The following LHFPL3 variants were observed in gnomAD, a reference collection of about 807,000 sequenced individuals.
LHFPL3 encodes LHFPL tetraspan subfamily member 3.
Under a neutral mutation model 19.3 loss-of-function variants are expected in LHFPL3, and 5 were observed. The observed-to-expected ratio is 0.26, with a 90% CI of 0.14 to 0.54. The LOEUF is 0.54. Ranked by LOEUF, LHFPL3 falls within the 20% of genes least tolerant of loss-of-function variation. The pLI, the probability that LHFPL3 is intolerant of heterozygous loss-of-function variation, is 0.94. For synonymous variants in LHFPL3, 133 were observed against 126.2 expected (o/e 1.05, Z -0.36); for missense variants, 249 against 307.4 (o/e 0.81, Z 1.42).
chr7:104,583,286 C>CT (rs1333998264), intron 1 of LHFPL3, among the ~76,000 whole-genome samples: 1 of 152,142 alleles, frequency 6.6e-6, no homozygotes, highest in Non-Finnish European at 1.5e-5. Context: ...GGATCCCTTC[C>CT]TTACACCTTA....
At chr7:104,356,244 G>A (rs1790272400) in intron 1 of LHFPL3, among the ~76,000 whole-genome samples, 1 of 152,204 alleles carries the variant, frequency 6.6e-6, no homozygotes, top group Non-Finnish European at 1.5e-5. Flanking sequence ...GGAGAGTAGA[G>A]TAGATAAAAG....
At chr7:104,583,331 A>T (rs188804646) in intron 1 of LHFPL3, among the ~76,000 whole-genome samples, 1 of 152,298 alleles carries the variant, frequency 6.6e-6, no homozygotes, top group African/African-American at 2.4e-5. Context: ...TAAAGACTTA[A>T]ATGTTAGACC....
intron 1 of LHFPL3, among the ~76,000 whole-genome samples, chr7:104,558,183 G>C (rs1234408795): frequency 6.6e-6 from 1 of 151,392 alleles, no homozygotes; most frequent in Non-Finnish European, 1.5e-5. Flanking sequence ...TAGTCCTTTG[G>C]GTATATACCC....
At chr7:104,846,742 C>A (rs181813131) in intron 2 of LHFPL3, among the ~76,000 whole-genome samples, 20 of 152,266 alleles carry the variant, frequency 1.3e-4, no homozygotes, top group Admixed American at 1.3e-3. Flanking sequence ...AGGCTACATC[C>A]CGAAAAGGAC....
chr7:104,452,923 C>G (rs1003353074), intron 1 of LHFPL3, among the ~76,000 whole-genome samples: 2 of 152,164 alleles, frequency 1.3e-5, no homozygotes, highest in Non-Finnish European at 2.9e-5. Flanking sequence ...ACATTGGTGT[C>G]TGATGTCAGA....
At chr7:104,816,637 G>A (rs1386696266) in intron 2 of LHFPL3, among the ~76,000 whole-genome samples, 1 of 152,176 alleles carries the variant, frequency 6.6e-6, no homozygotes, top group Non-Finnish European at 1.5e-5. Flanking sequence ...TTTCTGCAGT[G>A]GTTTGGGAGC....
chr7:104,533,277 C>G (rs1794336838), intron 1 of LHFPL3, among the ~76,000 whole-genome samples: 1 of 152,164 alleles, frequency 6.6e-6, no homozygotes, highest in South Asian at 2.1e-4. Context: ...TCATAGTTCT[C>G]CTCCTCCTTT....
intron 2 of LHFPL3, among the ~76,000 whole-genome samples, chr7:104,886,468 A>G (rs1170981253): frequency 6.6e-6 from 1 of 152,070 alleles, no homozygotes; most frequent in African/African-American, 2.4e-5. Context: ...GGGTTCAAGC[A>G]ATTCTCCTGC....
chr7:104,795,762 C>G (rs954712700), intron 2 of LHFPL3, among the ~76,000 whole-genome samples: 2 of 152,184 alleles, frequency 1.3e-5, no homozygotes, highest in African/African-American at 4.8e-5. Flanking sequence ...TAACACCACT[C>G]CCTCTAGCTC....
chr7:104,468,245 A>G (rs1011326231), intron 1 of LHFPL3, among the ~76,000 whole-genome samples: 1 of 152,212 alleles, frequency 6.6e-6, no homozygotes, highest in Non-Finnish European at 1.5e-5. Flanking sequence ...CCAATTACTG[A>G]GGTCATAACA....
At chr7:104,837,637 C>G (rs1425364605) in intron 2 of LHFPL3, among the ~76,000 whole-genome samples, 1 of 152,016 alleles carries the variant, frequency 6.6e-6, no homozygotes, top group Non-Finnish European at 1.5e-5. Flanking sequence ...ATTTTTATTT[C>G]CATAGGTTAT....
chr7:104,866,730 T>C (rs1026953842), intron 2 of LHFPL3, among the ~76,000 whole-genome samples: 1 of 152,194 alleles, frequency 6.6e-6, no homozygotes, highest in African/African-American at 2.4e-5. Flanking sequence ...GGGGACCTAA[T>C]AGACATCTAC....
At chr7:104,567,212 TTC>T (rs1217183263) in intron 1 of LHFPL3, among the ~76,000 whole-genome samples, 1 of 152,242 alleles carries the variant, frequency 6.6e-6, no homozygotes, top group Non-Finnish European at 1.5e-5. Flanking sequence ...TAAATTTCAT[TTC>T]TTTTACCAAT....
intron 2 of LHFPL3, among the ~76,000 whole-genome samples, chr7:104,764,766 A>T (rs937056699): frequency 3.3e-5 from 5 of 152,188 alleles, no homozygotes; most frequent in Non-Finnish European, 7.3e-5. Flanking sequence ...TGTTGTTAGT[A>T]TTTATAACTA....
At chr7:104,786,103 A>G (rs188627774) in intron 2 of LHFPL3, among the ~76,000 whole-genome samples, 1 of 152,296 alleles carries the variant, frequency 6.6e-6, no homozygotes, top group East Asian at 1.9e-4. Context: ...TGCCTCATGA[A>G]CAAGGAATAA....
chr7:104,603,165 T>TCC (rs1211891617), intron 1 of LHFPL3, among the ~76,000 whole-genome samples: 454 of 6,558 alleles, frequency 0.069, 11 homozygotes, highest in South Asian at 0.3. Context: ...CTTCCTTCCT[T>TCC]TCTTTCTTTC....
chr7:104,732,960 T>C (rs1793732954), intron 1 of LHFPL3, among the ~76,000 whole-genome samples: 1 of 152,236 alleles, frequency 6.6e-6, no homozygotes, highest in South Asian at 2.1e-4. Flanking sequence ...CATCTTTATT[T>C]CTGCCTTCAT....
chr7:104,461,470 C>T (rs192834346), intron 1 of LHFPL3, among the ~76,000 whole-genome samples: 86 of 152,328 alleles, frequency 5.6e-4, no homozygotes, highest in East Asian at 4.2e-3. Flanking sequence ...AGTCCTTTCA[C>T]CATTGCTTGT....
In LHFPL3 at chr7:104,358,183, G is replaced by T. The variant is rs539684947; in HGVS notation, c.445+28959G>T. On this transcript the variant is annotated intron_variant, in intron 1 of 2. Coordinates refer to ENST00000424859, the MANE Select transcript of LHFPL3 (RefSeq NM_199000.3). ...GGAGTGGAGACTGACTGCTGAGTGC[G>T]TATGAGGTTTCCATCTAGGAAACAT... Among the ~76,000 whole-genome samples the T allele has an allele frequency of 2.0e-5, 3 of 152,266 alleles. No homozygotes were observed. The East Asian group carries it at 5.8e-4, about 29-fold the overall frequency.
Sources: gnomAD v4.1 joint callset for allele counts (sites outside exome capture counted in the v4.1 genomes callset) on GRCh38, gnomAD v4.1.1 for gene constraint, MANE v1.5 for transcripts, NCBI Gene and HGNC (gene_info 2026-07-23, HGNC 2026-07-21) for gene names.